C5orf24: variants seen among roughly 807,000 people sequenced by gnomAD.
The protein encoded by C5orf24 is UPF0461 protein C5orf24.
A neutral mutation model predicts 9.8 loss-of-function variants in C5orf24; 4 were observed. The observed-to-expected ratio is 0.41, with a 90% CI of 0.20 to 0.93. The LOEUF is 0.93. Among genes scored for constraint, C5orf24 ranks in the 40% least tolerant of loss-of-function variants. The probability of loss-of-function intolerance (pLI) is 0.33; values close to 1 mark genes in which losing one functional copy is unlikely to be tolerated. For synonymous variants in C5orf24, 73 were observed against 81.3 expected (o/e 0.90, Z 0.55); for missense variants, 170 against 236.9 (o/e 0.72, Z 1.85).
chr5:134,852,230 G>A (rs539687878), intron 1 of C5orf24, among the ~76,000 whole-genome samples: 10 of 152,342 alleles, frequency 6.6e-5, no homozygotes, highest in African/African-American at 1.9e-4. Context: ...GTGAGCCACC[G>A]CGCCTGGCCA....
chr5:134,855,476 G>C lies in C5orf24; in HGVS notation c.*9G>C. 1 of 1,613,316 alleles carries C rather than the reference G, an allele frequency of 6.2e-7. No homozygotes were observed. The highest frequency in any genetic ancestry group is 1.1e-5 in the South Asian group (1 of 90,902). On this transcript the variant is annotated 3_prime_UTR_variant, in exon 2 of 2. Transcript: ENST00000394976. ...AACCACCCAATGAGTGAATGAGGCA[G>C]GAAAAGAGGGCCAGGTTTAGAAGGA...
upstream of C5orf24, among the ~76,000 whole-genome samples, chr5:134,842,490 A>G (rs1251966424): frequency 2.6e-5 from 4 of 151,058 alleles, no homozygotes; most frequent in East Asian, 1.9e-4. Flanking sequence ...GTGAGACTCC[A>G]TCTGAAAAAA....
At chr5:134,854,323 G>A (rs1756249093) in intron 1 of C5orf24, among the ~76,000 whole-genome samples, 1 of 152,182 alleles carries the variant, frequency 6.6e-6, no homozygotes, top group Admixed American at 6.5e-5. Flanking sequence ...TAGAGATTGT[G>A]TTCATTGCTT....
At chr5:134,853,726 A>G (rs1756230622) in intron 1 of C5orf24, among the ~76,000 whole-genome samples, 1 of 152,050 alleles carries the variant, frequency 6.6e-6, no homozygotes, top group South Asian at 2.1e-4. Flanking sequence ...CACTGTATTT[A>G]TGATCAAGGG....
Position 134,855,721 on chromosome 5 carries a change from G to A in C5orf24, c.*254G>A. On this transcript the variant is annotated 3_prime_UTR_variant, in exon 2 of 2. Coordinates refer to ENST00000394976, the MANE Select transcript of C5orf24 (RefSeq NM_001135586.1). Reference sequence around the variant, plus strand: ...AAATCATTTTTCCTTTTCCTTTAGAGTTATGGTCATGTCTCATGTTTCATT... The same window carrying A: ...AAATCATTTTTCCTTTTCCTTTAGAATTATGGTCATGTCTCATGTTTCATT... 1 of 1,359,552 alleles carries A rather than the reference G, an allele frequency of 7.4e-7. No individual in the cohort carries two copies. The highest frequency in any genetic ancestry group is 3.2e-5 in the East Asian group (1 of 31,562). The allele number at this position is 1,359,552 out of a possible 1,614,324, so 84.2% of individuals were successfully genotyped here.
At chr5:134,848,183 C>A (rs1285604290) in intron 1 of C5orf24, among the ~76,000 whole-genome samples, 5 of 151,908 alleles carry the variant, frequency 3.3e-5, no homozygotes, top group African/African-American at 4.8e-5. Context: ...TGGTGGCTGG[C>A]GCCTGTAGTC....
At chr5:134,843,809 C>T (rs546427682), upstream of C5orf24, among the ~76,000 whole-genome samples, 1 of 152,338 alleles carries the variant, frequency 6.6e-6, no homozygotes, top group Admixed American at 6.5e-5. Flanking sequence ...CCCGCCTTGG[C>T]CTCCCAAAGT....
chr5:134,844,982 C>T (rs1333573001), upstream of C5orf24, among the ~76,000 whole-genome samples: 1 of 151,904 alleles, frequency 6.6e-6, no homozygotes, highest in Non-Finnish European at 1.5e-5. Context: ...GTGATCTGCC[C>T]GCCTCGGCCT....
At chr5:134,851,880 T>G (rs1756170946) in intron 1 of C5orf24, among the ~76,000 whole-genome samples, 1 of 152,234 alleles carries the variant, frequency 6.6e-6, no homozygotes. Flanking sequence ...GAACTCATCT[T>G]GAGAGTCTCC....
chr5:134,854,535 C>A (rs7717860), intron 1 of C5orf24, among the ~76,000 whole-genome samples: 24,192 of 152,206 alleles, frequency 0.16, 2,153 homozygotes, highest in South Asian at 0.36. Context: ...AATAAGAGTT[C>A]TTGGCTTTAC....
chr5:134,835,748 A>C, the C5orf24 span, among the ~76,000 whole-genome samples: 2 of 152,012 alleles, frequency 1.3e-5, no homozygotes, highest in Non-Finnish European at 2.9e-5. Flanking sequence ...GCTGGAGTGC[A>C]GTGGCATGAT....
intron 1 of C5orf24, chr5:134,846,932 C>G (rs1432282941): frequency 6.6e-6 from 1 of 152,136 alleles, no homozygotes; most frequent in Non-Finnish European, 1.5e-5. Context: ...GTCAAATGAC[C>G]TGAAATAAAT....
chr5:134,840,612 C>T, the C5orf24 span, among the ~76,000 whole-genome samples: 1 of 152,116 alleles, frequency 6.6e-6, no homozygotes, highest in African/African-American at 2.4e-5. Flanking sequence ...CAGCTCACTG[C>T]AGCCTCAACC....
At chr5:134,836,986 T>G in the C5orf24 span, among the ~76,000 whole-genome samples, 10 of 152,150 alleles carry the variant, frequency 6.6e-5, no homozygotes, top group Admixed American at 6.5e-4. Context: ...TTTTTCTTTT[T>G]TTTTGAGATG....
chr5:134,841,442 C>T (rs1049490857), upstream of C5orf24, among the ~76,000 whole-genome samples: 1 of 151,940 alleles, frequency 6.6e-6, no homozygotes, highest in African/African-American at 2.4e-5. Flanking sequence ...ATACAAAAAG[C>T]CAGGTGTGGT....
intron 1 of C5orf24, among the ~76,000 whole-genome samples, chr5:134,850,937 T>TATATATATACACACAC (rs762710710): frequency 7.5e-5 from 11 of 147,052 alleles, no homozygotes; most frequent in African/African-American, 2.8e-4. Context: ...TATATATATA[T>TATATATATACACACAC]ACACACACAC....
chr5:134,849,551 AT>A (rs1234714872), intron 1 of C5orf24, among the ~76,000 whole-genome samples: 2 of 149,966 alleles, frequency 1.3e-5, no homozygotes, highest in Non-Finnish European at 3.0e-5. Flanking sequence ...TTTATTAATT[AT>A]TAAGTAGAAT....
rs775123027 is a variant in C5orf24 at position 134,855,505 on chromosome 5, TTG to T, written c.*41_*42del. On this transcript the variant is annotated 3_prime_UTR_variant, in exon 2 of 2. Coordinates refer to ENST00000394976, the MANE Select transcript of C5orf24 (RefSeq NM_001135586.1). Reference sequence around the variant, plus strand: ...AAGAGGGCCAGGTTTAGAAGGAAGATTGTGAATAATCCCAAAGCTTCTTGGTT... The same window carrying T: ...AAGAGGGCCAGGTTTAGAAGGAAGATTGAATAATCCCAAAGCTTCTTGGTT... The T allele has an allele frequency of 1.8e-5, 29 of 1,605,916 alleles. No homozygotes were observed. The highest frequency in any genetic ancestry group is 3.5e-5 in the Admixed American group (2 of 56,570).
rs1226270030 is a variant in C5orf24, at chr5:134,856,984, C to A, written c.*1517C>A. The A allele has an allele frequency of 2.0e-6, 2 of 1,005,904 alleles. No individual in the cohort carries two copies. The highest frequency in any genetic ancestry group is 2.4e-6 in the Non-Finnish European group (2 of 834,084). 62.3% of individuals were successfully genotyped at this position (1,005,904 alleles called of 1,614,324 possible). On this transcript the variant is annotated 3_prime_UTR_variant, in exon 2 of 2. Transcript: ENST00000394976. ...CTCATCCAAAAGATTTTTTTTCCCCCAATGATGTTTGCTTTAGAAGCAAGA... is the reference window on the plus strand; with the variant it reads ...CTCATCCAAAAGATTTTTTTTCCCCAAATGATGTTTGCTTTAGAAGCAAGA...
Sources: gnomAD v4.1 joint callset for allele counts (sites outside exome capture counted in the v4.1 genomes callset) on GRCh38, gnomAD v4.1.1 for gene constraint, MANE v1.5 for transcripts, NCBI Gene and HGNC (gene_info 2026-07-23, HGNC 2026-07-21) for gene names.